Variants in SERINC2 observed in about 807,000 individuals in gnomAD.
SERINC2 encodes the protein tumor differentially expressed protein 2.
Under a neutral mutation model 54.2 loss-of-function variants are expected in SERINC2, and 56 were observed. The observed-to-expected ratio is 1.03, with a 90% confidence interval of 0.83 to 1.29. The LOEUF (loss-of-function observed/expected upper bound fraction) is 1.29. Among genes scored for constraint, SERINC2 ranks in the 50% most tolerant of loss-of-function variants. The pLI, the probability that SERINC2 is intolerant of heterozygous loss-of-function variation, is 0.00. For missense variants in SERINC2, 614 were observed against 607.4 expected (o/e 1.01, Z -0.12); for synonymous variants, 272 against 253.1 (o/e 1.07, Z -0.71).
In SERINC2 at chr1:31,432,415, A is replaced by G. The variant is rs139624096; in HGVS notation, c.1014-552A>G. ...TCACAGAAAAGCATGACATACAATC[A>G]TTACTGTTGTTCTTTTTTTAGTGTA... On this transcript the variant is annotated intron_variant, in intron 8 of 9. Transcript: ENST00000373709. Among the ~76,000 whole-genome samples the G allele has an allele frequency of 1.8e-3, 269 of 152,224 alleles. 2 individuals carry two copies. Among genetic ancestry groups the G allele is most frequent in the African/African-American group, 6.3e-3 (261 of 41,498 alleles).
chr1:31,411,297 A>G (rs942109232), upstream of SERINC2, among the ~76,000 whole-genome samples: 12 of 152,236 alleles, frequency 7.9e-5, no homozygotes, highest in Non-Finnish European at 1.6e-4. Context: ...GTTGCCTTTC[A>G]GCTCTGTTTC....
At chr1:31,416,388 G>A (rs1640782352) in intron 1 of SERINC2, among the ~76,000 whole-genome samples, 1 of 152,208 alleles carries the variant, frequency 6.6e-6, no homozygotes, top group Non-Finnish European at 1.5e-5. Flanking sequence ...TTACAGATGA[G>A]GAAACTGAGT....
chr1:31,427,254 G>A (rs1553133784), intron 6 of SERINC2, among the ~76,000 whole-genome samples: 2 of 152,198 alleles, frequency 1.3e-5, no homozygotes. Flanking sequence ...GTGTAGGAAG[G>A]TGCAATTTCA....
chr1:31,434,367 G>C lies in SERINC2; in HGVS notation c.*168G>C. On this transcript the variant is annotated 3_prime_UTR_variant, in exon 10 of 10. Transcript: ENST00000373709. Reference sequence around the variant, plus strand: ...GGGCCTTCTAGTCGTAGTGCCTTCAGGGTCCGAGGAGCATCAGGCTCCTGC... The same window carrying C: ...GGGCCTTCTAGTCGTAGTGCCTTCACGGTCCGAGGAGCATCAGGCTCCTGC... 2 of 660,224 alleles carry C rather than the reference G, an allele frequency of 3.0e-6. No individual in the cohort carries two copies. Among genetic ancestry groups the C allele is most frequent in the Admixed American group, 5.9e-5 (2 of 34,000 alleles). 40.9% of individuals were successfully genotyped at this position (660,224 alleles called of 1,614,324 possible).
At chr1:31,413,190 G>C, upstream of SERINC2, 2 of 1,033,518 alleles carry the variant, frequency 1.9e-6, no homozygotes, top group African/African-American at 1.7e-5. The surrounding 1 kb of genome is among the most constrained non-coding windows in gnomAD (Gnocchi z 5.0). Flanking sequence ...CCGGGGAGGG[G>C]CCAGGCCCGG....
In SERINC2 at chr1:31,433,180, G is replaced by A. The variant is rs1251792277; in HGVS notation, c.1227G>A (p.Trp409Ter). ...SLHVMMTLTNWYKPGETRKMI... is the reference protein window; with the variant it reads ...SLHVMMTLTN ...ACGTCATGATGACGCTCACCAACTG[G>A]TACAAGTGCGTAGCTGGTGGGGCAT... Residue 409 changes from tryptophan (W) to a stop codon, truncating the protein, a stop_gained, in exon 9 of 10, where the codon TGG (tryptophan) becomes TGA (stop). Transcript: ENST00000373709. LOFTEE classifies it high-confidence loss of function. 3.1e-6 allele frequency: 5 copies of A among 1,613,202 alleles called. No homozygotes were observed. The Admixed American group carries it at 5.0e-5, about 16-fold the overall frequency.
At chr1:31,425,190 T>C in intron 3 of SERINC2, 140 bp from the exon 4 acceptor site, 1 of 734,768 alleles carries the variant, frequency 1.4e-6, no homozygotes, top group East Asian at 2.5e-5. Flanking sequence ...TCTGTGCCTA[T>C]CAGACCACCA....
chr1:31,415,860 T>C (rs1640768681), intron 1 of SERINC2: 1 of 985,306 alleles, frequency 1.0e-6, no homozygotes, highest in East Asian at 1.1e-4. Context: ...CATCTGCTGA[T>C]TGTGCTTCTC....
Position 31,423,866 on chromosome 1 carries a change from A to G in SERINC2, c.201+12A>G, listed in dbSNP as rs782208819. 2 of 1,610,628 alleles carry G rather than the reference A, an allele frequency of 1.2e-6. No individual in the cohort carries two copies. Among genetic ancestry groups the G allele is most frequent in the Admixed American group, 3.3e-5 (2 of 59,972 alleles). On this transcript the variant is annotated intron_variant, in intron 2 of 9. Coordinates refer to ENST00000373709, the MANE Select transcript of SERINC2 (RefSeq NM_178865.5). ...GTCAGCTCTACAAGGTGAGTGCCCC[A>G]GGGGAGGCAGGGCGGCCTCCAGCGA... is the stretch of plus-strand genomic sequence containing the variant.
rs1553131835 is a variant in SERINC2, at chr1:31,413,935, C to G, written c.39+631C>G. 1.3e-6 allele frequency: 2 copies of G among 1,522,616 alleles called. No individual in the cohort carries two copies. The highest frequency in any genetic ancestry group is 2.8e-5 in the African/African-American group (2 of 72,328). 94.3% of individuals were successfully genotyped at this position (1,522,616 alleles called of 1,614,324 possible). ...AGTCTCTCTGCGGTCCCTTTACCGT[C>G]CTCAGTCTGGCTCGCGCTGCCTCTC... On this transcript the variant is annotated intron_variant, in intron 1 of 9. Transcript: ENST00000373709. This position sits in a 1 kb window ranked among gnomAD's most constrained non-coding sequence, Gnocchi z 5.0.
chr1:31,423,818 T>G lies in SERINC2; in HGVS notation c.165T>G (p.Ile55Met), dbSNP rs879986419. 10 of 1,613,994 alleles carry G rather than the reference T, an allele frequency of 6.2e-6. No homozygotes were observed. The South Asian group carries it at 9.9e-5, about 16-fold the overall frequency. The change falls in exon 2 of 10, where the codon ATT becomes ATG. Residue 55 changes from isoleucine to methionine, a missense_variant. Transcript: ENST00000373709. The part of the protein sequence containing the change: ...FLFLGVLVSI[I>M]MLSPGVESQL... Reference sequence around the variant, plus strand: ...TCCTGGGGGTGCTGGTGTCCATCATTATGCTGAGCCCGGGCGTGGAGAGTC... The same window carrying G: ...TCCTGGGGGTGCTGGTGTCCATCATGATGCTGAGCCCGGGCGTGGAGAGTC...
chr1:31,431,343 G>A lies in SERINC2; in HGVS notation c.1014-1624G>A, dbSNP rs558006431. ...TAGAGACACTATGTTGCCCAGGATG[G>A]CCTTGAACTCCTGGCCCAAGCAATC... On this transcript the variant is annotated intron_variant, in intron 8 of 9. Coordinates refer to ENST00000373709, the MANE Select transcript of SERINC2 (RefSeq NM_178865.5). Among the ~76,000 whole-genome samples, 176 of 151,016 alleles carry A rather than the reference G, an allele frequency of 1.2e-3. No homozygotes were observed. The Middle Eastern group carries it at 0.017, about 15-fold the overall frequency.
At position 31,434,096 on chromosome 1, in the gene SERINC2, G is replaced by A. The variant is rs1641399425; in HGVS notation, c.1265G>A (p.Trp422Ter). Residue 422 changes from tryptophan to a stop codon, truncating the protein, a stop_gained, in exon 10 of 10, where the codon TGG (tryptophan) becomes TAG (stop). Coordinates refer to ENST00000373709, the MANE Select transcript of SERINC2 (RefSeq NM_178865.5). LOFTEE classifies it high-confidence loss of function. ...GAGACCCGGAAGATGATCAGCACGT[G>A]GACCGCCGTGTGGGTGAAGATCTGT... The part of the protein sequence containing the change: ...PGETRKMIST[W>*]TAVWVKICAS... The A allele has an allele frequency of 1.2e-6, 2 of 1,613,918 alleles. No individual in the cohort carries two copies. The highest frequency in any genetic ancestry group is 2.2e-5 in the South Asian group (2 of 91,092).
At chr1:31,432,710 C>T (rs1553134911) in intron 8 of SERINC2, among the ~76,000 whole-genome samples, 1 of 152,178 alleles carries the variant, frequency 6.6e-6, no homozygotes, top group African/African-American at 2.4e-5. Flanking sequence ...GTCCCCCCAG[C>T]AGCCCTCTAG....
chr1:31,432,056 ACAGGGTGGACAGGGTGGACAGGGTGGT>A lies in SERINC2; in HGVS notation c.1014-910_1014-884del, dbSNP rs1557500835. ...AGGGTGGACAGGGTGGACAGGGTGG[ACAGGGTGGACAGGGTGGACAGGGTGGT>A]TAGGGTGGACAGGGTGGACAGGGTG... On this transcript the variant is annotated intron_variant, in intron 8 of 9. Coordinates refer to ENST00000373709, the MANE Select transcript of SERINC2 (RefSeq NM_178865.5). Among the ~76,000 whole-genome samples the A allele has an allele frequency of 6.2e-4, 77 of 125,178 alleles. 2 individuals carry two copies. The highest frequency in any genetic ancestry group is 8.3e-4 in the Non-Finnish European group (51 of 61,368). The allele number at this position is 125,178 out of a possible 152,430, so 82.1% of individuals were successfully genotyped here.
intron 8 of SERINC2, among the ~76,000 whole-genome samples, 192 bp downstream of exon 8, chr1:31,429,730 C>T (rs1016863847): frequency 6.6e-6 from 1 of 152,320 alleles, no homozygotes; most frequent in Non-Finnish European, 1.5e-5. Context: ...CAGAGGCAGG[C>T]GTGACCTTGC....
At chr1:31,430,739 G>C (rs1055920546) in intron 8 of SERINC2, among the ~76,000 whole-genome samples, 1 of 152,184 alleles carries the variant, frequency 6.6e-6, no homozygotes, top group Admixed American at 6.5e-5. Flanking sequence ...CAAGTCACTA[G>C]ATCATAAGAT....
Position 31,413,354 on chromosome 1 carries a change from C to T in SERINC2, c.39+50C>T. 9.9e-7 allele frequency: 1 copy of T among 1,013,462 alleles called. No homozygotes were observed. The highest frequency in any genetic ancestry group is 1.3e-6 in the Non-Finnish European group (1 of 786,400). The allele number at this position is 1,013,462 out of a possible 1,614,324, so 62.8% of individuals were successfully genotyped here. The stretch of plus-strand genomic sequence containing the variant: ...CCGCGCGCGCCGCCCGTTCCTGCTG[C>T]GGGCCCTCACTTTCTTCTGTTCTGC... On this transcript the variant is annotated intron_variant, in intron 1 of 9. Transcript: ENST00000373709. This position sits in a 1 kb window ranked among gnomAD's most constrained non-coding sequence, Gnocchi z 5.0.
chr1:31,421,474 G>A (rs1402574378), intron 1 of SERINC2, among the ~76,000 whole-genome samples: 1 of 152,214 alleles, frequency 6.6e-6, no homozygotes, highest in African/African-American at 2.4e-5. Flanking sequence ...CAGGTGGACT[G>A]TTTCAATTTA....
Sources: allele counts gnomAD v4.1 joint callset (sites outside exome capture counted in the v4.1 genomes callset), GRCh38; gene constraint gnomAD v4.1.1; non-coding constraint Gnocchi (gnomAD v3.1); transcripts MANE v1.5; gene names NCBI Gene and HGNC (gene_info 2026-07-23, HGNC 2026-07-21).